Variants in TOMM34 observed in about 807,000 individuals in gnomAD.
TOMM34 encodes mitochondrial import receptor subunit TOM34.
Under a neutral mutation model 37.4 loss-of-function variants are expected in TOMM34, and 24 were observed. The observed-to-expected ratio is 0.64, with a 90% CI of 0.46 to 0.90. The LOEUF is 0.90. Ranked by LOEUF, TOMM34 falls within the 40% of genes least tolerant of loss-of-function variation. TOMM34 has a pLI of 0.00. For synonymous variants in TOMM34, 154 were observed against 148.9 expected (o/e 1.03, Z -0.25); for missense variants, 304 against 375.6 (o/e 0.81, Z 1.58).
chr20:44,957,202 T>G (rs946984370), intron 1 of TOMM34, among the ~76,000 whole-genome samples: 2 of 152,198 alleles, frequency 1.3e-5, no homozygotes, highest in African/African-American at 4.8e-5. Flanking sequence ...ACGTATTTTT[T>G]TTTGAGACAG....
chr20:44,948,306 T>C (rs376371596), intron 5 of TOMM34, among the ~76,000 whole-genome samples: 15 of 152,250 alleles, frequency 9.9e-5, no homozygotes, highest in Non-Finnish European at 1.5e-4. Flanking sequence ...TGCCAGGCAA[T>C]GGTTACTTCA....
chr20:44,947,500 A>G (rs2066990306), intron 5 of TOMM34, among the ~76,000 whole-genome samples: 1 of 152,062 alleles, frequency 6.6e-6, no homozygotes, highest in African/African-American at 2.4e-5. Context: ...AAAATGGAAA[A>G]CACTTCTTTT....
At chr20:44,949,884 G>C (rs1453059456) in intron 4 of TOMM34, among the ~76,000 whole-genome samples, 1 of 152,252 alleles carries the variant, frequency 6.6e-6, no homozygotes. Flanking sequence ...ACTTCATACA[G>C]AAGAATAAGT....
chr20:44,948,548 A>G (rs1389469842), intron 5 of TOMM34, among the ~76,000 whole-genome samples, 182 bp downstream of exon 5: 1 of 152,196 alleles, frequency 6.6e-6, no homozygotes, highest in Admixed American at 6.5e-5. Flanking sequence ...GGCATCCCTC[A>G]GTTTCTACCC....
intron 1 of TOMM34, chr20:44,959,893 T>C (rs1192289379): frequency 2.0e-6 from 2 of 982,746 alleles, no homozygotes; most frequent in Non-Finnish European, 1.2e-6. Flanking sequence ...TTTTGTGTCT[T>C]GTTACACAGG....
At chr20:44,944,048 A>G (rs992336233) in intron 5 of TOMM34, among the ~76,000 whole-genome samples, 9 of 152,208 alleles carry the variant, frequency 5.9e-5, no homozygotes, top group African/African-American at 2.2e-4. Context: ...GACGTTTGCA[A>G]TTTACTTTTA....
At chr20:44,955,729 C>G (rs1214378125) in intron 2 of TOMM34, 2 of 431,720 alleles carry the variant, frequency 4.6e-6, no homozygotes, top group African/African-American at 4.0e-5. Context: ...AAATCTGGCA[C>G]AAGGCATGGC....
chr20:44,949,960 G>C lies in TOMM34; in HGVS notation c.551-1083C>G, dbSNP rs570336625. Reference sequence around the variant, plus strand: ...AATGTTATATTTCTGAGATTCATCTGTGTTGATGCACAGACCTGCAGCTCC... The same window carrying C: ...AATGTTATATTTCTGAGATTCATCTCTGTTGATGCACAGACCTGCAGCTCC... On this transcript the variant is annotated intron_variant, in intron 4 of 6. Transcript: ENST00000372813. 2.4e-3 allele frequency among the ~76,000 whole-genome samples: 362 copies of C among 152,270 alleles called. 2 individuals are homozygous for C. The highest frequency in any genetic ancestry group is 8.5e-3 in the African/African-American group (353 of 41,556).
chr20:44,948,741 C>G lies in TOMM34; in HGVS notation c.687G>C (p.Thr229=). Residue 229 remains threonine (T), a synonymous_variant, in exon 5 of 7, where the codon ACG becomes ACC. Coordinates refer to ENST00000372813, the MANE Select transcript of TOMM34 (RefSeq NM_006809.5). ...TGTATAGGAGATACCTGTTGCTGTACGTGGCAGATTCCAGGTTACTACACA... is the reference window on the plus strand; with the variant it reads ...TGTATAGGAGATACCTGTTGCTGTAGGTGGCAGATTCCAGGTTACTACACA... The part of the protein sequence containing the change: ...SLLCSNLESA[T]YSNRALCYLV... 5 of 1,614,098 alleles carry G rather than the reference C, an allele frequency of 3.1e-6. No homozygotes were observed. The highest frequency in any genetic ancestry group is 4.2e-6 in the Non-Finnish European group (5 of 1,179,980).
Position 44,943,474 on chromosome 20 carries a change from A to C in TOMM34, c.804T>G (p.Ala268=), listed in dbSNP as rs1330658626. The C allele has an allele frequency of 6.2e-7, 1 of 1,614,056 alleles. No homozygotes were observed. Among genetic ancestry groups the C allele is most frequent in the East Asian group, 2.2e-5 (1 of 44,858 alleles). Residue 268 remains alanine (A), a synonymous_variant, in exon 6 of 7, where the codon GCT becomes GCG. Transcript: ENST00000372813. ...TTACCTTGAGTGCTTTGTGGGCTTG[A>C]GCCCGTCTGTAGAATGCCTTCACGT... The part of the protein sequence containing the change: ...GKNVKAFYRR[A]QAHKALKDYK...
At chr20:44,955,553 C>T (rs1298985996) in intron 2 of TOMM34, 1 of 475,672 alleles carries the variant, frequency 2.1e-6, no homozygotes, top group African/African-American at 2.0e-5. Flanking sequence ...GTGGGAATAA[C>T]AAACAAGCTT....
At chr20:44,943,619 T>C (rs1472521576) in intron 5 of TOMM34, 40 bp from the exon 6 acceptor site, 2 of 1,612,492 alleles carry the variant, frequency 1.2e-6, no homozygotes, top group African/African-American at 1.3e-5. Flanking sequence ...AGTCACGTCT[T>C]ATGGGCCACC....
chr20:44,953,556 C>T (rs1387631360), intron 3 of TOMM34, among the ~76,000 whole-genome samples: 3 of 152,144 alleles, frequency 2.0e-5, no homozygotes, highest in African/African-American at 7.2e-5. Flanking sequence ...CGCTGATGAC[C>T]CTCAAATCCT....
chr20:44,956,891 AGAAAG>A (rs1420035174), intron 1 of TOMM34, among the ~76,000 whole-genome samples: 3 of 144,644 alleles, frequency 2.1e-5, no homozygotes, highest in Non-Finnish European at 4.6e-5. Flanking sequence ...AAAAAAGAAA[AGAAAG>A]GGAGGGAGGG....
At chr20:44,958,144 A>ATGTATATATATATGTG (rs60792281) in intron 1 of TOMM34, among the ~76,000 whole-genome samples, 1 of 146,918 alleles carries the variant, frequency 6.8e-6, no homozygotes, top group Non-Finnish European at 1.5e-5. Flanking sequence ...ATGTATATAT[A>ATGTATATATATATGTG]TGTGTGTGTG....
intron 4 of TOMM34, among the ~76,000 whole-genome samples, chr20:44,951,595 G>A (rs1446069072): frequency 1.3e-5 from 2 of 152,214 alleles, no homozygotes; most frequent in Non-Finnish European, 2.9e-5. Context: ...GCCAGGCTGG[G>A]AGTTTTACAT....
chr20:44,950,388 T>C (rs2145599680), intron 4 of TOMM34, among the ~76,000 whole-genome samples: 1 of 152,258 alleles, frequency 6.6e-6, no homozygotes, highest in South Asian at 2.1e-4. Context: ...CCTCAAACAC[T>C]AAGACTCTAA....
intron 3 of TOMM34, among the ~76,000 whole-genome samples, chr20:44,954,755 T>G (rs2067055884): frequency 6.6e-6 from 1 of 152,170 alleles, no homozygotes. Flanking sequence ...CTGTATCTCT[T>G]TCTCATTTTG....
intron 1 of TOMM34, among the ~76,000 whole-genome samples, chr20:44,957,470 A>G (rs960761524): frequency 3.9e-5 from 6 of 152,170 alleles, no homozygotes; most frequent in African/African-American, 1.4e-4. Context: ...CACCGTGCCC[A>G]ACCAACAATG....
Sources: allele counts gnomAD v4.1 joint callset (sites outside exome capture counted in the v4.1 genomes callset), GRCh38; gene constraint gnomAD v4.1.1; transcripts MANE v1.5; gene names NCBI Gene and HGNC (gene_info 2026-07-23, HGNC 2026-07-21).